Variants in SLC26A1 observed in about 807,000 individuals in gnomAD.
SLC26A1 encodes the protein sulfate anion transporter 1.
Under a neutral mutation model 14.5 loss-of-function variants are expected in SLC26A1, and 18 were observed. The ratio of observed to expected loss-of-function variants is 1.24; its 90% CI spans 0.86 to 1.84. The LOEUF (loss-of-function observed/expected upper bound fraction) is 1.84. SLC26A1 is among the 40% of genes most tolerant of loss of function. SLC26A1 has a pLI of 0.00. For missense variants in SLC26A1, 1,049 were observed against 1,020.0 expected (o/e 1.03, Z -0.39); for synonymous variants, 505 against 492.0 (o/e 1.03, Z -0.35).
downstream of SLC26A1, chr4:987,375 C>G (rs577464111): frequency 2.1e-5 from 20 of 960,928 alleles, no homozygotes; most frequent in African/African-American, 2.1e-4. Flanking sequence ...GGCCCGCCCC[C>G]CGCCGTGTTT....
chr4:990,537 G>C (rs1714204957), intron 2 of SLC26A1, 175 bp from the exon 3 acceptor site: 14 of 635,574 alleles, frequency 2.2e-5, no homozygotes, highest in Non-Finnish European at 3.8e-5. Context: ...CTGGTTCCAC[G>C]CGTGCTCATG....
chr4:987,655 C>A (rs1046659814), downstream of SLC26A1: 4 of 1,460,952 alleles, frequency 2.7e-6, no homozygotes, highest in African/African-American at 4.2e-5. Context: ...GACCTCCCCA[C>A]ATTCCTGGCC....
At chr4:985,549 ATC>A (rs1305547119), downstream of SLC26A1, among the ~76,000 whole-genome samples, 2 of 152,014 alleles carry the variant, frequency 1.3e-5, no homozygotes, top group African/African-American at 4.8e-5. Context: ...AAAGCGAGTT[ATC>A]CATCATTTTA....
At position 988,742 on chromosome 4, in the gene SLC26A1, T is replaced by A; in HGVS notation, c.*91A>T. On this transcript the variant is annotated 3_prime_UTR_variant, in exon 3 of 3. Coordinates refer to ENST00000398516, the MANE Select transcript of SLC26A1 (RefSeq NM_022042.4). ...CACAAGAGTGCAGCTCTTGGGTGGC[T>A]CCTCCCTGGGAAGGGTCTCAGCAGT... is the stretch of plus-strand genomic sequence containing the variant. The A allele has an allele frequency of 7.0e-7, 1 of 1,432,980 alleles. No homozygotes were observed. The allele number at this position is 1,432,980 out of a possible 1,614,324, so 88.8% of individuals were successfully genotyped here. A position where few individuals can be genotyped will look rare whatever the true frequency, so the allele number is the denominator to read the frequency against.
Position 989,276 on chromosome 4 carries a change from G to A in SLC26A1, c.1663C>T (p.Leu555=), listed in dbSNP as rs761070677. The A allele has an allele frequency of 1.9e-6, 3 of 1,612,624 alleles. No individual in the cohort carries two copies. Among genetic ancestry groups the A allele is most frequent in the East Asian group, 2.2e-5 (1 of 44,874 alleles). ...CCCGTGAGGCTGTAGAGTGACTGCA[G>A]GAAGAAGTCCTTGTTGGCATAGTAC... ...PLYYANKDFF[L]QSLYSLTGLD... is the part of the protein sequence containing the mutation. Residue 555 remains leucine (L), a synonymous_variant, in exon 3 of 3, where the codon CTG becomes TTG. Coordinates refer to ENST00000398516, the MANE Select transcript of SLC26A1 (RefSeq NM_022042.4).
At chr4:987,002 A>G (rs1332916785), downstream of SLC26A1, 3 of 1,175,498 alleles carry the variant, frequency 2.6e-6, no homozygotes, top group Non-Finnish European at 3.4e-6. Context: ...CGGCGGTCAC[A>G]TGGGGTGCGC....
At chr4:985,694 T>G (rs1317879575), downstream of SLC26A1, among the ~76,000 whole-genome samples, 8 of 152,212 alleles carry the variant, frequency 5.3e-5, no homozygotes, top group Non-Finnish European at 8.8e-5. Flanking sequence ...TTTTTTGTAT[T>G]ATGTTTTTCC....
In SLC26A1 at chr4:989,027, C is replaced by A; in HGVS notation, c.1912G>T (p.Gly638Trp). ...AGCAGCAGGCTGATGCCCAGGGCCC[C>A]GTAGTCTCGGCGCAGGTCCTGCAGC... ...STLQDLRRDY[G>W]ALGISLLLAC... Residue 638 changes from glycine (G) to tryptophan (W), a missense_variant, in exon 3 of 3, where the codon GGG becomes TGG. Gly to Trp is a radical substitution (Grantham distance 184). Transcript: ENST00000398516. 6.3e-7 allele frequency: 1 copy of A among 1,584,154 alleles called. No homozygotes were observed. The highest frequency in any genetic ancestry group is 8.6e-7 in the Non-Finnish European group (1 of 1,165,926).
rs1024601868 is a variant in SLC26A1, at chr4:988,211, C to T, written c.*622G>A. The stretch of plus-strand genomic sequence containing the variant: ...CGCCGCACCTGGCTCCTGGTGCACC[C>T]GTGAGCATCCCTGTGTGTGTCTGCT... On this transcript the variant is annotated 3_prime_UTR_variant, in exon 3 of 3. Transcript: ENST00000398516. 127 of 1,338,856 alleles carry T rather than the reference C, an allele frequency of 9.5e-5. No individual in the cohort carries two copies. Among genetic ancestry groups the T allele is most frequent in the Non-Finnish European group, 1.2e-4 (120 of 1,041,812 alleles). 82.9% of individuals were successfully genotyped at this position (1,338,856 alleles called of 1,614,324 possible).
chr4:986,216 C>G (rs1179946444), downstream of SLC26A1, among the ~76,000 whole-genome samples: 1 of 152,130 alleles, frequency 6.6e-6, no homozygotes, highest in Non-Finnish European at 1.5e-5. Context: ...GCCACCGCAC[C>G]AAGCCTGTTC....
At chr4:985,092 C>T (rs1248544576), downstream of SLC26A1, among the ~76,000 whole-genome samples, 2 of 152,242 alleles carry the variant, frequency 1.3e-5, no homozygotes, top group Non-Finnish European at 2.9e-5. Context: ...TGGCTTCAGT[C>T]CCCACAAAGA....
chr4:989,433 G>A lies in SLC26A1; in HGVS notation c.1506C>T (p.Ala502=), dbSNP rs753883088. 5.0e-5 allele frequency: 78 copies of A among 1,554,628 alleles called. No homozygotes were observed. The highest frequency in any genetic ancestry group is 1.7e-4 in the Middle Eastern group (1 of 6,008). The change falls in exon 3 of 3, where the codon GCC becomes GCT. Residue 502 remains alanine (A), a synonymous_variant. Coordinates refer to ENST00000398516, the MANE Select transcript of SLC26A1 (RefSeq NM_022042.4). ...CGGTGCGTGGGCGTTGGGTGCGGCC[G>A]GCCAGGCTGAGCAGCGAGAGGATGA... ...AGVILSLLSL[A]GRTQRPRTAL... is the part of the protein sequence containing the mutation.
rs772161833 is a variant in SLC26A1, at chr4:989,842, C to G, written c.1097G>C (p.Ser366Thr). 2.5e-6 allele frequency: 4 copies of G among 1,578,890 alleles called. No individual in the cohort carries two copies. In the South Asian group the frequency reaches 4.6e-5, roughly 18 times the overall value. The change falls in exon 3 of 3, where the codon AGT becomes ACT. Residue 366 changes from serine to threonine, a missense_variant. Coordinates refer to ENST00000398516, the MANE Select transcript of SLC26A1 (RefSeq NM_022042.4). ...GTTGGCACGCACAGAGTAGCCGTGA[C>G]TGCGGGCGAACATCTCCGCCAGCGA... The part of the protein sequence containing the change: ...SISLAEMFAR[S>T]HGYSVRANQE...
At position 988,065 on chromosome 4, in the gene SLC26A1, C is replaced by T; in HGVS notation, c.*768G>A. 6.8e-7 allele frequency: 1 copy of T among 1,468,076 alleles called. No individual in the cohort carries two copies. Among genetic ancestry groups the T allele is most frequent in the Non-Finnish European group, 9.0e-7 (1 of 1,107,436 alleles). The allele number at this position is 1,468,076 out of a possible 1,614,324, so 90.9% of individuals were successfully genotyped here. On this transcript the variant is annotated 3_prime_UTR_variant, in exon 3 of 3. Coordinates refer to ENST00000398516, the MANE Select transcript of SLC26A1 (RefSeq NM_022042.4). ...GTTCCCCCACCTCCCGCCGAAGCACCCTGTTGGGGAGAGCGTGTCCTTGCT... is the reference window on the plus strand; with the variant it reads ...GTTCCCCCACCTCCCGCCGAAGCACTCTGTTGGGGAGAGCGTGTCCTTGCT...
At position 987,719 on chromosome 4, in the gene SLC26A1, C is replaced by T; in HGVS notation, c.*1114G>A. 13 of 1,581,708 alleles carry T rather than the reference C, an allele frequency of 8.2e-6. No homozygotes were observed. The highest frequency in any genetic ancestry group is 1.1e-5 in the Non-Finnish European group (13 of 1,164,098). On this transcript the variant is annotated 3_prime_UTR_variant, in exon 3 of 3. Coordinates refer to ENST00000398516, the MANE Select transcript of SLC26A1 (RefSeq NM_022042.4). ...GCACGGGCAGCGCCTGGATCCTGCG[C>T]CCGGGCAGTCCTGGGCTTGAACGTG... is the stretch of plus-strand genomic sequence containing the variant.
At position 989,772 on chromosome 4, in the gene SLC26A1, G is replaced by C; in HGVS notation, c.1167C>G (p.Phe389Leu). 1 of 1,564,464 alleles carries C rather than the reference G, an allele frequency of 6.4e-7. No individual in the cohort carries two copies. The highest frequency in any genetic ancestry group is 1.2e-5 in the South Asian group (1 of 85,128). ...AVGCCNVLPA[F>L]LHCFATSAAL... The stretch of plus-strand genomic sequence containing the variant: ...CGGCGCTGGTGGCGAAGCAGTGGAG[G>C]AAGGCGGGTAGCACGTTGCAGCAGC... The change falls in exon 3 of 3, where the codon TTC becomes TTG. Residue 389 changes from phenylalanine to leucine, a missense_variant. By Grantham distance (22) the Phe-to-Leu change is conservative. Coordinates refer to ENST00000398516, the MANE Select transcript of SLC26A1 (RefSeq NM_022042.4).
Position 988,633 on chromosome 4 carries a change from A to G in SLC26A1, c.*200T>C. ...CCTGTCTCGGAGGCAGAGGTTCTTG[A>G]TTTCTGAGTGTTTGGGTCCTGCGTG... On this transcript the variant is annotated 3_prime_UTR_variant, in exon 3 of 3. Transcript: ENST00000398516. The G allele has an allele frequency of 1.5e-6, 2 of 1,376,424 alleles. No homozygotes were observed. Among genetic ancestry groups the G allele is most frequent in the Non-Finnish European group, 1.9e-6 (2 of 1,070,564 alleles). 85.3% of individuals were successfully genotyped at this position (1,376,424 alleles called of 1,614,324 possible). A position where few individuals can be genotyped will look rare whatever the true frequency, so the allele number is the denominator to read the frequency against.
chr4:981,082 G>A (rs1051236192), intron 2 of SLC26A1, among the ~76,000 whole-genome samples: 2 of 152,108 alleles, frequency 1.3e-5, no homozygotes, highest in East Asian at 1.9e-4. Context: ...ACGCAGACAC[G>A]GCCTCTGCTC....
downstream of SLC26A1, among the ~76,000 whole-genome samples, chr4:983,874 G>C (rs1490965591): frequency 1.3e-5 from 2 of 152,182 alleles, no homozygotes; most frequent in African/African-American, 4.8e-5. Flanking sequence ...GCCCAGGCTG[G>C]AGTGCAGTGA....
Sources: gnomAD v4.1 joint callset for allele counts (sites outside exome capture counted in the v4.1 genomes callset) on GRCh38, gnomAD v4.1.1 for gene constraint, MANE v1.5 for transcripts, NCBI Gene and HGNC (gene_info 2026-07-23, HGNC 2026-07-21) for gene names.